The following GREB1L variants were observed in gnomAD, a reference collection of about 807,000 sequenced individuals.
GREB1L encodes GREB1-like protein.
In GREB1L, 17 loss-of-function variants were observed where a neutral mutation model predicts 200.8. The ratio of observed to expected loss-of-function variants is 0.08; its 90% CI spans 0.06 to 0.13. The LOEUF is 0.13. Among genes scored for constraint, GREB1L ranks in the 10% least tolerant of loss-of-function variants. GREB1L has a pLI of 1.00. For missense variants in GREB1L, 1,657 were observed against 2,367.7 expected (o/e 0.70, Z 6.23); for synonymous variants, 789 against 893.0 (o/e 0.88, Z 2.08).
chr18:21,342,103 C>T (rs1386632773), intron 1 of GREB1L, among the ~76,000 whole-genome samples: 2 of 151,988 alleles, frequency 1.3e-5, no homozygotes, highest in Non-Finnish European at 2.9e-5. Flanking sequence ...CCATTTTTGC[C>T]TATGTGCTTA....
intron 7 of GREB1L, among the ~76,000 whole-genome samples, chr18:21,426,627 G>C (rs2032598953): frequency 6.6e-6 from 1 of 152,122 alleles, no homozygotes; most frequent in Admixed American, 6.6e-5. Context: ...CTGAAATGGG[G>C]ACGTGTAAGT....
At chr18:21,396,597 T>C (rs1477842175) in intron 5 of GREB1L, among the ~76,000 whole-genome samples, 2 of 152,194 alleles carry the variant, frequency 1.3e-5, no homozygotes, top group African/African-American at 4.8e-5. Context: ...CAATGTCATA[T>C]AGATAGATAT....
intron 15 of GREB1L, among the ~76,000 whole-genome samples, chr18:21,460,052 G>A (rs2034973460): frequency 6.6e-6 from 1 of 152,132 alleles, no homozygotes; most frequent in South Asian, 2.1e-4. Context: ...CCAATTTCAG[G>A]CCACACTCTC....
chr18:21,488,726 G>T (rs1354909761), intron 18 of GREB1L, among the ~76,000 whole-genome samples: 1 of 151,998 alleles, frequency 6.6e-6, no homozygotes, highest in African/African-American at 2.4e-5. Flanking sequence ...GCATGATCTC[G>T]GCTCACTGTA....
chr18:21,520,079 G>T (rs2037560320), intron 31 of GREB1L, among the ~76,000 whole-genome samples: 3 of 152,072 alleles, frequency 2.0e-5, no homozygotes, highest in African/African-American at 4.8e-5. Context: ...TGGGATTACA[G>T]GTGCACACCA....
intron 15 of GREB1L, among the ~76,000 whole-genome samples, chr18:21,456,432 A>G (rs1182439368): frequency 2.0e-5 from 3 of 152,210 alleles, no homozygotes; most frequent in Non-Finnish European, 2.9e-5. Context: ...AAATTTTCTC[A>G]TATGCTCCAT....
intron 1 of GREB1L, among the ~76,000 whole-genome samples, chr18:21,342,164 T>TGA (rs1232570620): frequency 2.0e-5 from 3 of 152,086 alleles, no homozygotes; most frequent in African/African-American, 7.2e-5. Flanking sequence ...ATGGCCTGAA[T>TGA]TGATGTTCAG....
intron 1 of GREB1L, among the ~76,000 whole-genome samples, chr18:21,355,440 C>T (rs144482160): frequency 0.02 from 3,089 of 152,224 alleles, 56 homozygotes; most frequent in Non-Finnish European, 0.029. Flanking sequence ...GATCCACCTG[C>T]CTCGGCCTCC....
At chr18:21,409,408 C>G (rs1481410624) in intron 7 of GREB1L, among the ~76,000 whole-genome samples, 1 of 152,100 alleles carries the variant, frequency 6.6e-6, no homozygotes, top group Non-Finnish European at 1.5e-5. Flanking sequence ...GGGGTGTGAG[C>G]ATTCTTATTA....
At chr18:21,485,533 C>G (rs7234335) in intron 17 of GREB1L, 87 bp from the exon 18 acceptor site, 1,190,035 of 1,194,368 alleles carry the variant, frequency 1, 592,966 homozygotes, top group East Asian at 1. Flanking sequence ...CCTCTTACAG[C>G]GGTCATTTCT....
intron 17 of GREB1L, among the ~76,000 whole-genome samples, chr18:21,479,779 C>T (rs992465228): frequency 2.6e-5 from 4 of 152,036 alleles, no homozygotes; most frequent in Non-Finnish European, 4.4e-5. Flanking sequence ...CAGGGTCTGA[C>T]GCCCATGCTG....
intron 1 of GREB1L, among the ~76,000 whole-genome samples, chr18:21,339,779 G>A (rs2039240920): frequency 1.3e-5 from 2 of 152,214 alleles, no homozygotes; most frequent in South Asian, 4.1e-4. Context: ...CTTAGACTAA[G>A]ATAACATTTT....
chr18:21,520,643 GC>G (rs1598965943), intron 31 of GREB1L, 44 bp from the exon 32 acceptor site: 1 of 1,548,362 alleles, frequency 6.5e-7, no homozygotes, highest in East Asian at 2.4e-5. Context: ...CAGATATTTT[GC>G]TTGCTCTTGA....
intron 1 of GREB1L, among the ~76,000 whole-genome samples, chr18:21,355,677 A>C (rs2039492979): frequency 6.6e-6 from 1 of 152,248 alleles, no homozygotes; most frequent in Non-Finnish European, 1.5e-5. Flanking sequence ...AATCCAGCAG[A>C]AGGGAAGGAA....
At chr18:21,311,527 T>C (rs1238835458) in intron 1 of GREB1L, among the ~76,000 whole-genome samples, 1 of 152,006 alleles carries the variant, frequency 6.6e-6, no homozygotes, top group Admixed American at 6.6e-5. Context: ...CTCTGAAAAA[T>C]GTTAAATTTT....
At chr18:21,259,915 C>CT (rs999413323) in intron 1 of GREB1L, among the ~76,000 whole-genome samples, 48 of 149,362 alleles carry the variant, frequency 3.2e-4, no homozygotes, top group Middle Eastern at 3.4e-3. Context: ...AACTCATATC[C>CT]TTTTTTTTTG....
intron 28 of GREB1L, 35 bp downstream of exon 28, chr18:21,514,021 C>T: frequency 6.5e-7 from 1 of 1,533,010 alleles, no homozygotes; most frequent in Non-Finnish European, 8.8e-7. Flanking sequence ...TGACACAATG[C>T]TATAGACAGG....
At chr18:21,315,332 C>A (rs1295582904) in intron 1 of GREB1L, among the ~76,000 whole-genome samples, 1 of 152,116 alleles carries the variant, frequency 6.6e-6, no homozygotes, top group Non-Finnish European at 1.5e-5. Flanking sequence ...CTCAAGTGAT[C>A]CTCCCGCCTC....
chr18:21,268,055 G>T (rs2038000923), intron 1 of GREB1L, among the ~76,000 whole-genome samples: 1 of 152,096 alleles, frequency 6.6e-6, no homozygotes, highest in Non-Finnish European at 1.5e-5. Flanking sequence ...CCTGATTTCA[G>T]TTGGTTCTCA....
Sources: gnomAD v4.1 joint callset for allele counts (sites outside exome capture counted in the v4.1 genomes callset) on GRCh38, gnomAD v4.1.1 for gene constraint, MANE v1.5 for transcripts, NCBI Gene and HGNC (gene_info 2026-07-23, HGNC 2026-07-21) for gene names.